The following JMJD1C variants were observed in gnomAD, a reference collection of about 807,000 sequenced individuals.
The protein encoded by JMJD1C is jumonji domain containing 1C.
A neutral mutation model predicts 245.3 loss-of-function variants in JMJD1C; 31 were observed. The observed-to-expected ratio is 0.13, with a 90% confidence interval of 0.09 to 0.17. The LOEUF is 0.17. Among genes scored for constraint, JMJD1C ranks in the 10% least tolerant of loss-of-function variants. JMJD1C has a pLI of 1.00. For synonymous variants in JMJD1C, 1,057 were observed against 1,017.4 expected (o/e 1.04, Z -0.74); for missense variants, 2,691 against 3,000.2 (o/e 0.90, Z 2.41).
chr10:63,520,568 GGT>G (rs1955181894), intron 1 of JMJD1C, among the ~76,000 whole-genome samples: 1 of 150,180 alleles, frequency 6.7e-6, no homozygotes, highest in Non-Finnish European at 1.5e-5. Context: ...AGAACAGCAA[GGT>G]GTAAGCAGTA....
chr10:63,499,687 C>T (rs1040843043), intron 1 of JMJD1C, among the ~76,000 whole-genome samples: 1 of 152,048 alleles, frequency 6.6e-6, no homozygotes, highest in African/African-American at 2.4e-5. Flanking sequence ...AAAAATCAAA[C>T]AATTAAAAAA....
chr10:63,440,363 TATAG>T (rs1951307513), intron 1 of JMJD1C, among the ~76,000 whole-genome samples: 3 of 134,494 alleles, frequency 2.2e-5, no homozygotes, highest in South Asian at 4.5e-4. Flanking sequence ...AATATATATA[TATAG>T]AGAGAGAGAG....
intron 2 of JMJD1C, among the ~76,000 whole-genome samples, chr10:63,283,139 C>G (rs968523446): frequency 2.6e-5 from 4 of 152,192 alleles, no homozygotes; most frequent in African/African-American, 9.7e-5. Flanking sequence ...TGTCCAAAAG[C>G]CTTACAAGTT....
intron 1 of JMJD1C, among the ~76,000 whole-genome samples, chr10:63,439,791 A>G (rs1951261847): frequency 6.6e-6 from 1 of 152,240 alleles, no homozygotes; most frequent in Non-Finnish European, 1.5e-5. Context: ...TCATGAAGTC[A>G]CTTCACTGAC....
At chr10:63,510,886 G>A (rs1169480819) in intron 1 of JMJD1C, among the ~76,000 whole-genome samples, 3 of 152,146 alleles carry the variant, frequency 2.0e-5, no homozygotes, top group Non-Finnish European at 4.4e-5. Context: ...TAGGCATATA[G>A]ATATTAAGAA....
intron 2 of JMJD1C, among the ~76,000 whole-genome samples, chr10:63,308,308 C>T (rs1391593822): frequency 1.3e-5 from 2 of 152,116 alleles, no homozygotes; most frequent in Non-Finnish European, 2.9e-5. Flanking sequence ...AGTAACCAGT[C>T]TAGGAGATGA....
intron 1 of JMJD1C, among the ~76,000 whole-genome samples, chr10:63,488,075 T>C (rs1954055199): frequency 6.6e-6 from 1 of 152,126 alleles, no homozygotes; most frequent in Non-Finnish European, 1.5e-5. Context: ...TCACACTTTC[T>C]GAACCAAAAC....
chr10:63,282,883 A>G (rs1238378112), intron 2 of JMJD1C, among the ~76,000 whole-genome samples: 5 of 152,148 alleles, frequency 3.3e-5, no homozygotes, highest in African/African-American at 1.2e-4. Flanking sequence ...CGCCTGACTA[A>G]TTCTTTGTAT....
chr10:63,461,055 A>G (rs897864346), intron 1 of JMJD1C, among the ~76,000 whole-genome samples: 3 of 152,208 alleles, frequency 2.0e-5, no homozygotes, highest in Non-Finnish European at 2.9e-5. Context: ...ACAATTAACA[A>G]CATTTACTGG....
chr10:63,500,651 G>A (rs1954516796), intron 1 of JMJD1C, among the ~76,000 whole-genome samples: 1 of 152,094 alleles, frequency 6.6e-6, no homozygotes, highest in Admixed American at 6.5e-5. Flanking sequence ...AGAATCGCTT[G>A]GACCTGGGAG....
intron 24 of JMJD1C, among the ~76,000 whole-genome samples, chr10:63,174,531 G>A (rs576305792): frequency 6.6e-6 from 1 of 151,774 alleles, no homozygotes; most frequent in Non-Finnish European, 1.5e-5. Flanking sequence ...GGAAGAGGCT[G>A]ACTATAAAAG....
chr10:63,388,896 A>G (rs899589424), intron 1 of JMJD1C, among the ~76,000 whole-genome samples: 1 of 152,258 alleles, frequency 6.6e-6, no homozygotes, highest in Non-Finnish European at 1.5e-5. Context: ...ACAATTAAAC[A>G]GTCAAAAGCA....
At chr10:63,317,722 T>C (rs1940272121) in intron 2 of JMJD1C, among the ~76,000 whole-genome samples, 1 of 152,210 alleles carries the variant, frequency 6.6e-6, no homozygotes, top group South Asian at 2.1e-4. Flanking sequence ...CATACATAAA[T>C]ATTTGATATC....
intron 2 of JMJD1C, among the ~76,000 whole-genome samples, chr10:63,339,483 A>AT (rs57784408): frequency 0.025 from 3,771 of 152,292 alleles, 158 homozygotes; most frequent in African/African-American, 0.085. Flanking sequence ...CAAGAAATAC[A>AT]TTAAGTATAT....
At chr10:63,357,720 T>C (rs1157189085) in intron 2 of JMJD1C, among the ~76,000 whole-genome samples, 8 of 152,088 alleles carry the variant, frequency 5.3e-5, no homozygotes, top group Non-Finnish European at 1.0e-4. Flanking sequence ...ATCTACATAA[T>C]GCTTAGCCAA....
intron 1 of JMJD1C, among the ~76,000 whole-genome samples, chr10:63,428,874 C>T (rs559873114): frequency 1.3e-5 from 2 of 152,190 alleles, no homozygotes; most frequent in African/African-American, 4.8e-5. Flanking sequence ...AAAAAATACT[C>T]GGTCAAGGTA....
chr10:63,418,214 G>A (rs1949909468), intron 1 of JMJD1C, among the ~76,000 whole-genome samples: 1 of 152,166 alleles, frequency 6.6e-6, no homozygotes, highest in African/African-American at 2.4e-5. Context: ...TCTGAGGCAG[G>A]ATCAGATAAT....
rs766621656 is a variant in JMJD1C, at chr10:63,208,251, T to C, written c.3418A>G (p.Ile1140Val). 2.3e-5 allele frequency: 37 copies of C among 1,613,962 alleles called. No individual in the cohort carries two copies. The highest frequency in any genetic ancestry group is 5.3e-5 in the African/African-American group (4 of 74,914). The change falls in exon 10 of 26, where the codon ATA becomes GTA. Residue 1140 changes from isoleucine to valine, a missense_variant. Physicochemically the swap from Ile to Val is conservative, Grantham distance 29 (BLOSUM62 3). Transcript: ENST00000399262. ...GGTGGAGGCTTTGAAAGAGATGTTA[T>C]AAATGAAGTCAGAGTTTGAGGATTA... is the stretch of plus-strand genomic sequence containing the variant. ...AANPQTLTSF[I>V]TSLSKPPPLI...
chr10:63,271,737 G>GT (rs1419525495), intron 2 of JMJD1C, among the ~76,000 whole-genome samples: 3 of 152,026 alleles, frequency 2.0e-5, no homozygotes, highest in Admixed American at 6.6e-5. Flanking sequence ...TCATACTGAT[G>GT]TTTTTTAAAT....
Sources: gnomAD v4.1 joint callset for allele counts (sites outside exome capture counted in the v4.1 genomes callset) on GRCh38, gnomAD v4.1.1 for gene constraint, MANE v1.5 for transcripts, NCBI Gene and HGNC (gene_info 2026-07-23, HGNC 2026-07-21) for gene names.